TENM1: variants seen among roughly 807,000 people sequenced by gnomAD.
The protein encoded by TENM1 is teneurin transmembrane protein 1.
Under a neutral mutation model 174.8 loss-of-function variants are expected in TENM1, and 35 were observed. The observed-to-expected ratio is 0.20, with a 90% CI of 0.15 to 0.27. The LOEUF (loss-of-function observed/expected upper bound fraction) is 0.27. Ranked by LOEUF, TENM1 falls within the 10% of genes least tolerant of loss-of-function variation. The pLI is 1.00. For synonymous variants in TENM1, 781 were observed against 798.7 expected (o/e 0.98, Z 0.37); for missense variants, 1,633 against 2,130.1 (o/e 0.77, Z 4.59).
the TENM1 span, among the ~76,000 whole-genome samples, chrX:125,087,215 TCTTTA>T: frequency 1.5e-3 from 165 of 111,322 alleles, 1 homozygote; most frequent in African/African-American, 4.9e-3. Context: ...CAATTGCCTC[TCTTTA>T]CTTTAAGTTA....
At chrX:124,745,840 C>T (rs755801423) in intron 3 of TENM1, among the ~76,000 whole-genome samples, 2 of 101,784 alleles carry the variant, frequency 2.0e-5, no homozygotes, top group East Asian at 3.0e-4. Context: ...TCAAATATGT[C>T]GGGGCCAAAA....
At chrX:124,492,902 G>C (rs934551579) in intron 20 of TENM1, among the ~76,000 whole-genome samples, 13 of 110,087 alleles carry the variant, frequency 1.2e-4, no homozygotes, top group Non-Finnish European at 2.3e-4. Flanking sequence ...TTTCTCTAGG[G>C]AGAGGGTCCA....
chrX:124,391,704 C>T (rs1329590020), intron 28 of TENM1, among the ~76,000 whole-genome samples: 2 of 111,841 alleles, frequency 1.8e-5, no homozygotes, highest in Non-Finnish European at 3.8e-5. Context: ...AGTACATTAA[C>T]ACAATTTTAT....
At chrX:125,088,117 T>G in the TENM1 span, among the ~76,000 whole-genome samples, 3 of 111,575 alleles carry the variant, frequency 2.7e-5, no homozygotes, top group African/African-American at 9.7e-5. Flanking sequence ...ACCCTTGATT[T>G]GATTTGAATT....
the TENM1 span, among the ~76,000 whole-genome samples, chrX:125,095,634 T>A: frequency 8.9e-6 from 1 of 112,117 alleles, no homozygotes; most frequent in Non-Finnish European, 1.9e-5. Context: ...TTCAAGAAAC[T>A]ATTCCTTCAG....
At chrX:124,903,813 A>G (rs185947650) in intron 1 of TENM1, among the ~76,000 whole-genome samples, 2 of 112,123 alleles carry the variant, frequency 1.8e-5, no homozygotes, top group East Asian at 5.6e-4. Flanking sequence ...CCTTTATTTC[A>G]ACATTTTGAA....
intron 13 of TENM1, among the ~76,000 whole-genome samples, chrX:124,563,039 T>C (rs1748158635): frequency 8.9e-6 from 1 of 112,125 alleles, no homozygotes; most frequent in Non-Finnish European, 1.9e-5. Context: ...AATATACTCA[T>C]GACATGGCAT....
At chrX:124,529,193 C>T (rs1048589242) in intron 16 of TENM1, among the ~76,000 whole-genome samples, 1 of 111,735 alleles carries the variant, frequency 8.9e-6, no homozygotes, top group African/African-American at 3.3e-5. Flanking sequence ...GACACATGGG[C>T]CTATTGACCC....
intron 22 of TENM1, 150 bp from the exon 26 acceptor site, chrX:124,453,641 A>T: frequency 4.6e-6 from 2 of 432,243 alleles, no homozygotes; most frequent in Non-Finnish European, 7.5e-6. Context: ...GTAATGGGAG[A>T]GGTTTGTTGG....
chrX:124,971,973 G>A, the TENM1 span, among the ~76,000 whole-genome samples: 3 of 111,171 alleles, frequency 2.7e-5, no homozygotes, highest in African/African-American at 9.8e-5. Context: ...GGTGGCTAAC[G>A]CCTGTAATCC....
intron 11 of TENM1, among the ~76,000 whole-genome samples, chrX:124,608,006 G>A (rs1272007882): frequency 9.0e-6 from 1 of 111,211 alleles, no homozygotes; most frequent in Non-Finnish European, 1.9e-5. Flanking sequence ...TGCATTTAGT[G>A]AGATGGGGAA....
the TENM1 span, among the ~76,000 whole-genome samples, chrX:125,154,317 GAA>G: frequency 8.9e-6 from 1 of 112,008 alleles, no homozygotes; most frequent in Non-Finnish European, 1.9e-5. Context: ...GAAGTCATGA[GAA>G]AGAGTAAGAG....
chrX:125,193,961 T>A, the TENM1 span, among the ~76,000 whole-genome samples: 185 of 109,945 alleles, frequency 1.7e-3, 2 homozygotes, highest in African/African-American at 3.4e-3. Context: ...ATTTTTTTTT[T>A]AAAAAAGAGA....
chrX:125,106,930 C>A, the TENM1 span, among the ~76,000 whole-genome samples: 1 of 111,833 alleles, frequency 8.9e-6, no homozygotes, highest in African/African-American at 3.3e-5. Context: ...AGTTAAAATT[C>A]TGCTGACATA....
chrX:125,122,628 C>A, the TENM1 span, among the ~76,000 whole-genome samples: 1 of 110,242 alleles, frequency 9.1e-6, no homozygotes, highest in Admixed American at 9.6e-5. Context: ...GTTCTTTATC[C>A]TTTCCATGCA....
At chrX:124,948,883 C>T (rs1236405071) in intron 1 of TENM1, among the ~76,000 whole-genome samples, 1 of 111,976 alleles carries the variant, frequency 8.9e-6, no homozygotes, top group East Asian at 2.8e-4. Flanking sequence ...GAAAACAATT[C>T]TCCAGTGTTT....
chrX:125,132,209 A>G, the TENM1 span, among the ~76,000 whole-genome samples: 2 of 111,230 alleles, frequency 1.8e-5, no homozygotes, highest in South Asian at 3.8e-4. Context: ...CATGAGTCTC[A>G]TTGAGTGGTC....
intron 3 of TENM1, among the ~76,000 whole-genome samples, chrX:124,830,632 AG>A (rs1398533108): frequency 8.9e-6 from 1 of 111,994 alleles, no homozygotes; most frequent in Non-Finnish European, 1.9e-5. Flanking sequence ...TCAGGTTGCA[AG>A]AGGCTGTGAT....
chrX:124,382,721 A>G, exon 31 of TENM1: 1 of 1,208,422 alleles, frequency 8.3e-7, no homozygotes, highest in Non-Finnish European at 1.1e-6. Flanking sequence ...GAAGCTCGTA[A>G]GTTAATTCTA....
Sources: gnomAD v4.1 joint callset for allele counts (sites outside exome capture counted in the v4.1 genomes callset) on GRCh38, gnomAD v4.1.1 for gene constraint, MANE v1.5 for transcripts, NCBI Gene and HGNC (gene_info 2026-07-23, HGNC 2026-07-21) for gene names.